QTMAN: variants seen among roughly 807,000 people sequenced by gnomAD.
The protein encoded by QTMAN is tRNA-queuosine alpha-mannosyltransferase.
chr2:144,244,606 C>T, the QTMAN span, among the ~76,000 whole-genome samples: 1 of 152,110 alleles, frequency 6.6e-6, no homozygotes. Context: ...CTAATATTGT[C>T]TTAGTAAGTA....
the QTMAN span, among the ~76,000 whole-genome samples, chr2:144,271,939 C>T: frequency 6.6e-6 from 1 of 152,134 alleles, no homozygotes; most frequent in Non-Finnish European, 1.5e-5. Flanking sequence ...CTCCCTGATC[C>T]CATTTCCCTC....
At chr2:144,097,970 G>A in the QTMAN span, among the ~76,000 whole-genome samples, 1 of 152,122 alleles carries the variant, frequency 6.6e-6, no homozygotes, top group African/African-American at 2.4e-5. Context: ...GGCTTGCCTT[G>A]TCATCTGTAT....
At chr2:143,984,936 C>T in the QTMAN span, among the ~76,000 whole-genome samples, 9 of 152,152 alleles carry the variant, frequency 5.9e-5, no homozygotes, top group Admixed American at 1.3e-4. Flanking sequence ...TCTTCCTGGA[C>T]GCTGGACAAG....
At chr2:144,162,531 C>G in the QTMAN span, among the ~76,000 whole-genome samples, 1 of 151,986 alleles carries the variant, frequency 6.6e-6, no homozygotes, top group African/African-American at 2.4e-5. Flanking sequence ...CCAGAAGGTG[C>G]CTATAGAATA....
the QTMAN span, among the ~76,000 whole-genome samples, chr2:144,199,201 C>T: frequency 6.6e-6 from 1 of 152,134 alleles, no homozygotes; most frequent in African/African-American, 2.4e-5. Context: ...GTGCCCACCA[C>T]TACGCCCGGC....
At chr2:144,044,448 A>G in the QTMAN span, among the ~76,000 whole-genome samples, 1 of 152,154 alleles carries the variant, frequency 6.6e-6, no homozygotes, top group Non-Finnish European at 1.5e-5. Flanking sequence ...GAGGAGGGCC[A>G]TGCTTCCCCA....
chr2:144,327,874 C>T, the QTMAN span, among the ~76,000 whole-genome samples: 1 of 152,136 alleles, frequency 6.6e-6, no homozygotes, highest in Non-Finnish European at 1.5e-5. Context: ...CAAAAATAAA[C>T]CACCCAAGAA....
chr2:144,083,621 G>A, the QTMAN span, among the ~76,000 whole-genome samples: 2 of 152,182 alleles, frequency 1.3e-5, no homozygotes, highest in Admixed American at 1.3e-4. Flanking sequence ...AAATGAAAAT[G>A]TATGCAGTGA....
the QTMAN span, among the ~76,000 whole-genome samples, chr2:144,075,501 C>G: frequency 2.0e-5 from 3 of 151,902 alleles, no homozygotes; most frequent in Admixed American, 6.6e-5. Flanking sequence ...TAATGGATTC[C>G]TTTTTTAATA....
chr2:144,267,470 C>T, the QTMAN span, among the ~76,000 whole-genome samples: 1 of 152,148 alleles, frequency 6.6e-6, no homozygotes, highest in African/African-American at 2.4e-5. Flanking sequence ...ATGTGGTCAC[C>T]AGTGACCTTC....
chr2:144,156,864 TCATCTAA>T, the QTMAN span, among the ~76,000 whole-genome samples: 1 of 152,062 alleles, frequency 6.6e-6, no homozygotes, highest in Non-Finnish European at 1.5e-5. Context: ...TATGTAGGAC[TCATCTAA>T]CACTACAGAA....
At chr2:143,967,905 T>C in the QTMAN span, among the ~76,000 whole-genome samples, 2 of 152,188 alleles carry the variant, frequency 1.3e-5, no homozygotes, top group Non-Finnish European at 2.9e-5. Flanking sequence ...AGGATTGTTA[T>C]AAAGGATTAC....
chr2:144,154,638 T>C, the QTMAN span, among the ~76,000 whole-genome samples: 6 of 152,212 alleles, frequency 3.9e-5, no homozygotes, highest in Non-Finnish European at 5.9e-5. Flanking sequence ...GATCACCAAA[T>C]ATGTTTGTTA....
chr2:144,129,889 C>A, the QTMAN span, among the ~76,000 whole-genome samples: 2 of 151,734 alleles, frequency 1.3e-5, no homozygotes, highest in African/African-American at 2.4e-5. Flanking sequence ...AGAACACTTA[C>A]TAATAAAAAT....
chr2:144,214,733 G>A, the QTMAN span, among the ~76,000 whole-genome samples: 27 of 152,072 alleles, frequency 1.8e-4, no homozygotes, highest in African/African-American at 5.3e-4. Context: ...TTCATGCATC[G>A]AAACCAAGAT....
At chr2:144,168,200 A>G in the QTMAN span, among the ~76,000 whole-genome samples, 1 of 152,128 alleles carries the variant, frequency 6.6e-6, no homozygotes, top group African/African-American at 2.4e-5. Context: ...GGTTTCTTAG[A>G]CTTCAGTCTA....
chr2:144,259,178 A>C, the QTMAN span, among the ~76,000 whole-genome samples: 1 of 152,304 alleles, frequency 6.6e-6, no homozygotes, highest in South Asian at 2.1e-4. Flanking sequence ...TTTTGTTTTG[A>C]GACAGAGTCT....
At chr2:144,104,494 G>A in the QTMAN span, among the ~76,000 whole-genome samples, 2 of 152,072 alleles carry the variant, frequency 1.3e-5, no homozygotes, top group Non-Finnish European at 2.9e-5. Context: ...CCACGCTCAC[G>A]GAGCCTTGCT....
the QTMAN span, among the ~76,000 whole-genome samples, chr2:144,060,242 T>C: frequency 6.6e-6 from 1 of 152,182 alleles, no homozygotes; most frequent in East Asian, 1.9e-4. Context: ...TAGGATAACC[T>C]AATCCAAGCA....
Sources: gnomAD v4.1 joint callset for allele counts (sites outside exome capture counted in the v4.1 genomes callset) on GRCh38, gnomAD v4.1.1 for gene constraint, MANE v1.5 for transcripts, NCBI Gene and HGNC (gene_info 2026-07-23, HGNC 2026-07-21) for gene names.